The following ATXN7L2 variants were observed in gnomAD, a reference collection of about 807,000 sequenced individuals.
ATXN7L2 encodes ataxin-7-like protein 2.
A neutral mutation model predicts 59.6 loss-of-function variants in ATXN7L2; 17 were observed. The observed-to-expected ratio is 0.29, with a 90% CI of 0.20 to 0.43. The LOEUF (loss-of-function observed/expected upper bound fraction) is 0.43, where lower values mean the gene tolerates loss of function less well. Among genes scored for constraint, ATXN7L2 ranks in the 20% least tolerant of loss-of-function variants. The pLI is 1.00. For missense variants in ATXN7L2, 858 were observed against 1,008.9 expected, an observed-to-expected ratio of 0.85 and a Z score of 2.03; for synonymous variants, 378 against 392.5, an observed-to-expected ratio of 0.96 and a Z score of 0.44.
Position 109,488,784 on chromosome 1 carries a change from G to C in ATXN7L2, c.880-63G>C. The C allele has an allele frequency of 6.4e-7, 1 of 1,553,986 alleles. No homozygotes were observed. The stretch of plus-strand genomic sequence containing the variant: ...CAACTTGCCCGGGCCAAAGCACCCT[G>C]CCGTCCCTCACCCCTTCTCAGTTCA... On this transcript the variant is annotated intron_variant, in intron 6 of 10. Transcript: ENST00000683729. This position sits in a 1 kb window ranked among gnomAD's most constrained non-coding sequence, Gnocchi z 5.0.
Position 109,483,910 on chromosome 1 carries a change from C to CCGCGCGGCGGCGGCGCCAGGGCGGG in ATXN7L2, c.-37_-13dup, listed in dbSNP as rs1656365459. 2 of 1,147,036 alleles carry CCGCGCGGCGGCGGCGCCAGGGCGGG rather than the reference C, an allele frequency of 1.7e-6. No individual in the cohort carries two copies. Among genetic ancestry groups the CCGCGCGGCGGCGGCGCCAGGGCGGG allele is most frequent in the Non-Finnish European group, 1.1e-6 (1 of 934,146 alleles). The allele number at this position is 1,147,036 out of a possible 1,614,324, so 71.1% of individuals were successfully genotyped here. A position where few individuals can be genotyped will look rare whatever the true frequency, so the allele number is the denominator to read the frequency against. ...CCGCGACGGGGCGAGGGGGAGGGGG[C>CCGCGCGGCGGCGGCGCCAGGGCGGG]CGCGCGGCGGCGGCGCCAGGGCGGG... On this transcript the variant is annotated 5_prime_UTR_variant, in exon 1 of 11. Coordinates refer to ENST00000683729, the MANE Select transcript of ATXN7L2 (RefSeq NM_001350175.2).
At chr1:109,485,021 T>G (rs1050477506) in intron 1 of ATXN7L2, among the ~76,000 whole-genome samples, 3 of 152,204 alleles carry the variant, frequency 2.0e-5, no homozygotes, top group Non-Finnish European at 2.9e-5. Flanking sequence ...GGATATTATA[T>G]AAGATTGTCA....
At chr1:109,489,550 T>C in intron 7 of ATXN7L2, 1 of 344,306 alleles carries the variant, frequency 2.9e-6, no homozygotes, top group South Asian at 3.9e-5. Context: ...AAACACAGGC[T>C]CAGCTCACAG....
intron 9 of ATXN7L2, 150 bp from the exon 10 acceptor site, chr1:109,490,772 C>T (rs932651892): frequency 3.2e-6 from 3 of 923,166 alleles, no homozygotes; most frequent in African/African-American, 3.3e-5. Flanking sequence ...TCTTCCTAAC[C>T]CTCAGTTCCA....
Position 109,490,279 on chromosome 1 carries a change from C to G in ATXN7L2, c.1341C>G (p.Thr447=). ...CTTCCTTCTGCCTTTAGTTCTGCACCTTTGGGAGCCGGCTGGTGAGCCCAG... is the reference window on the plus strand; with the variant it reads ...CTTCCTTCTGCCTTTAGTTCTGCACGTTTGGGAGCCGGCTGGTGAGCCCAG... The part of the protein sequence containing the change: ...TRPPRPQAFC[T]FGSRLVSPGC... The change falls in exon 9 of 11, where the codon ACC becomes ACG. Residue 447 remains threonine (T), a synonymous_variant. Transcript: ENST00000683729. 6.2e-7 allele frequency: 1 copy of G among 1,613,802 alleles called. No individual in the cohort carries two copies.
Position 109,486,309 on chromosome 1 carries a change from T to C in ATXN7L2, c.193+187T>C, listed in dbSNP as rs1656579912. ...CGTTGGAGATCATAATCATAGGTGA[T>C]TGCCCACTCACCTGAAAGCGTATAC... On this transcript the variant is annotated intron_variant, in intron 2 of 10. Coordinates refer to ENST00000683729, the MANE Select transcript of ATXN7L2 (RefSeq NM_001350175.2). This position sits in a 1 kb window ranked among gnomAD's most constrained non-coding sequence, Gnocchi z 4.3. 2.9e-6 allele frequency: 3 copies of C among 1,017,632 alleles called. No homozygotes were observed. The highest frequency in any genetic ancestry group is 3.6e-5 in the South Asian group (2 of 55,130). 63.0% of individuals were successfully genotyped at this position (1,017,632 alleles called of 1,614,324 possible). A position where few individuals can be genotyped will look rare whatever the true frequency, so the allele number is the denominator to read the frequency against.
In ATXN7L2 at chr1:109,486,587, C is replaced by T; in HGVS notation, c.275C>T (p.Pro92Leu). 1 of 1,614,070 alleles carries T rather than the reference C, an allele frequency of 6.2e-7. No homozygotes were observed. Among genetic ancestry groups the T allele is most frequent in the Non-Finnish European group, 8.5e-7 (1 of 1,179,940 alleles). Reference protein sequence around the residue: ...VCNHCSQVVKPQAFQKHCERR... With the variant: ...VCNHCSQVVKLQAFQKHCERR... ...AACCACTGCAGCCAAGTGGTGAAGCCTCAAGCTTTCCAGAAGCACTGCGGT... is the reference window on the plus strand; with the variant it reads ...AACCACTGCAGCCAAGTGGTGAAGCTTCAAGCTTTCCAGAAGCACTGCGGT... Residue 92 changes from proline to leucine, a missense_variant, in exon 3 of 11, where the codon CCT becomes CTT. Transcript: ENST00000683729. This position sits in a 1 kb window ranked among gnomAD's most constrained non-coding sequence, Gnocchi z 4.3.
chr1:109,488,598 A>G lies in ATXN7L2; in HGVS notation c.879+133A>G. On this transcript the variant is annotated intron_variant, in intron 6 of 10. Transcript: ENST00000683729. The surrounding 1 kb of genome is among the most constrained non-coding windows in gnomAD (Gnocchi z 5.0). Reference sequence around the variant, plus strand: ...AGGGCAGTTAGGCCCACCCAAGGGAAGGGGAGATGGGTATGCCCCTCCTGG... The same window carrying G: ...AGGGCAGTTAGGCCCACCCAAGGGAGGGGGAGATGGGTATGCCCCTCCTGG... 9.1e-7 allele frequency: 1 copy of G among 1,103,624 alleles called. No homozygotes were observed. The highest frequency in any genetic ancestry group is 1.5e-5 in the South Asian group (1 of 65,776). 68.4% of individuals were successfully genotyped at this position (1,103,624 alleles called of 1,614,324 possible). A position where few individuals can be genotyped will look rare whatever the true frequency, so the allele number is the denominator to read the frequency against.
At chr1:109,487,377 C>G (rs988596398) in intron 4 of ATXN7L2, 141 bp from the exon 5 acceptor site, 2 of 1,163,780 alleles carry the variant, frequency 1.7e-6, no homozygotes, top group Non-Finnish European at 2.3e-6. Context: ...AAGATGGGGT[C>G]TCCTCTTCCC....
chr1:109,484,239 G>A (rs537776582), intron 1 of ATXN7L2, among the ~76,000 whole-genome samples, 159 bp downstream of exon 1: 1 of 151,218 alleles, frequency 6.6e-6, no homozygotes, highest in African/African-American at 2.4e-5. Flanking sequence ...CGCCCGCTCC[G>A]TCACCTTCGC....
chr1:109,486,699 G>T lies in ATXN7L2; in HGVS notation c.298+89G>T. On this transcript the variant is annotated intron_variant, in intron 3 of 10. Transcript: ENST00000683729. This position sits in a 1 kb window ranked among gnomAD's most constrained non-coding sequence, Gnocchi z 4.3. ...CAGGGTCAGTTGGGAGGTCTCGTAG[G>T]GTAATGGAGGGTGGTGTTGAGGATA... 9.0e-7 allele frequency: 1 copy of T among 1,108,376 alleles called. No individual in the cohort carries two copies. The highest frequency in any genetic ancestry group is 1.3e-6 in the Non-Finnish European group (1 of 750,252). 68.7% of individuals were successfully genotyped at this position (1,108,376 alleles called of 1,614,324 possible).
intron 9 of ATXN7L2, 118 bp from the exon 10 acceptor site, chr1:109,490,804 C>G: frequency 8.4e-7 from 1 of 1,191,294 alleles, no homozygotes; most frequent in Non-Finnish European, 1.2e-6. Context: ...CAGATGGCAG[C>G]AACTCTGGGG....
Position 109,489,114 on chromosome 1 carries a change from C to G in ATXN7L2, c.1133+14C>G. On this transcript the variant is annotated intron_variant, in intron 7 of 10. Transcript: ENST00000683729. ...TGCACTGCCCAGGTACGTCTAGAAT[C>G]CAACCCCTACCTCACCTGGGGGTAC... is the stretch of plus-strand genomic sequence containing the variant. 1 of 1,601,268 alleles carries G rather than the reference C, an allele frequency of 6.2e-7. No individual in the cohort carries two copies. The highest frequency in any genetic ancestry group is 8.5e-7 in the Non-Finnish European group (1 of 1,170,430).
In ATXN7L2 at chr1:109,486,294, C is replaced by A; in HGVS notation, c.193+172C>A. ...GCTCCTGTGACCTGTCGTTGGAGAT[C>A]ATAATCATAGGTGATTGCCCACTCA... On this transcript the variant is annotated intron_variant, in intron 2 of 10. Transcript: ENST00000683729. This position sits in a 1 kb window ranked among gnomAD's most constrained non-coding sequence, Gnocchi z 4.3. 8.9e-7 allele frequency: 1 copy of A among 1,124,574 alleles called. No individual in the cohort carries two copies. The allele number at this position is 1,124,574 out of a possible 1,614,324, so 69.7% of individuals were successfully genotyped here. A position where few individuals can be genotyped will look rare whatever the true frequency, so the allele number is the denominator to read the frequency against.
At chr1:109,484,435 T>G (rs1382647906) in intron 1 of ATXN7L2, among the ~76,000 whole-genome samples, 2 of 151,878 alleles carry the variant, frequency 1.3e-5, no homozygotes, top group Non-Finnish European at 2.9e-5. Context: ...CTCCACGTGT[T>G]TCCCACGCAC....
At position 109,490,336 on chromosome 1, in the gene ATXN7L2, G is replaced by A. The variant is rs1656948479; in HGVS notation, c.1398G>A (p.Arg466=). Residue 466 remains arginine (R), a synonymous_variant, in exon 9 of 11, where the codon CGG becomes CGA. Coordinates refer to ENST00000683729, the MANE Select transcript of ATXN7L2 (RefSeq NM_001350175.2). ...ATGTGTTTAGCCGCCGGCTGGACCG[G>A]TTCTGCTCAGCACTCAGCTCCATGC... is the stretch of plus-strand genomic sequence containing the variant. ...GCYVFSRRLD[R]FCSALSSMLE... The A allele has an allele frequency of 1.2e-6, 2 of 1,613,784 alleles. No homozygotes were observed. The highest frequency in any genetic ancestry group is 1.3e-5 in the African/African-American group (1 of 74,940).
chr1:109,487,502 C>T lies in ATXN7L2; in HGVS notation c.510-16C>T, dbSNP rs886269635. The stretch of plus-strand genomic sequence containing the variant: ...CCCCTCCCCTCCCTCAGCCAACCCC[C>T]TCTCTCTGTGTGTAGCCTTTTCGTG... On this transcript the variant is annotated splice_polypyrimidine_tract_variant and intron_variant, in intron 4 of 10. Coordinates refer to ENST00000683729, the MANE Select transcript of ATXN7L2 (RefSeq NM_001350175.2). 2 of 1,485,582 alleles carry T rather than the reference C, an allele frequency of 1.3e-6. No individual in the cohort carries two copies. Among genetic ancestry groups the T allele is most frequent in the Non-Finnish European group, 1.8e-6 (2 of 1,119,916 alleles). 92.0% of individuals were successfully genotyped at this position (1,485,582 alleles called of 1,614,324 possible).
rs1295310528 is a variant in ATXN7L2, at chr1:109,491,047, C to T, written c.1580C>T (p.Pro527Leu). The T allele has an allele frequency of 6.2e-7, 1 of 1,613,802 alleles. No homozygotes were observed. Among genetic ancestry groups the T allele is most frequent in the Non-Finnish European group, 8.5e-7 (1 of 1,180,032 alleles). ...GGTCCAACCCTGAGACCTGCCTGCC[C>T]AGCCTCCATGCCCCCCACCAAGGAC... is the stretch of plus-strand genomic sequence containing the variant. ...LPGPTLRPAC[P>L]ASMPPTKDNL... is the part of the protein sequence containing the mutation. Residue 527 changes from proline (P) to leucine (L), a missense_variant, in exon 10 of 11, where the codon CCA becomes CTA. Pro to Leu is a moderately conservative substitution (Grantham distance 98). Around this residue, in one of 3 missense-constraint regions of ATXN7L2, gnomAD observed 734 missense variants for 862.3 expected, o/e 0.85. Transcript: ENST00000683729. This position sits in a 1 kb window ranked among gnomAD's most constrained non-coding sequence, Gnocchi z 4.1.
At position 109,487,010 on chromosome 1, in the gene ATXN7L2, G is replaced by A. The variant is rs1488895435; in HGVS notation, c.302G>A (p.Arg101Lys). ...KPQAFQKHCERRHGPLSKLYG... is the reference protein window; with the variant it reads ...KPQAFQKHCEKRHGPLSKLYG... Reference sequence around the variant, plus strand: ...TCTTTCCACCTCCTGGTGACAGAAAGAAGACATGGGCCCCTCAGCAAGCTT... The same window carrying A: ...TCTTTCCACCTCCTGGTGACAGAAAAAAGACATGGGCCCCTCAGCAAGCTT... Residue 101 changes from arginine (R) to lysine (K), a missense_variant, in exon 4 of 11, where the codon AGA (arginine) becomes AAA (lysine). This residue lies in a region of ATXN7L2 where 29 missense variants were observed against 64.0 expected (regional missense o/e 0.45). Transcript: ENST00000683729. The A allele has an allele frequency of 6.3e-7, 1 of 1,582,032 alleles. No homozygotes were observed. Among genetic ancestry groups the A allele is most frequent in the African/African-American group, 1.4e-5 (1 of 73,402 alleles).
Sources: allele counts gnomAD v4.1 joint callset (sites outside exome capture counted in the v4.1 genomes callset), GRCh38; gene constraint gnomAD v4.1.1; regional missense constraint gnomAD v4.1.1; non-coding constraint Gnocchi (gnomAD v3.1); transcripts MANE v1.5; gene names NCBI Gene and HGNC (gene_info 2026-07-23, HGNC 2026-07-21).